The following UGT3A1 variants were observed in gnomAD, a reference collection of about 807,000 sequenced individuals.
UGT3A1 encodes the protein UDP glycosyltransferase family 3 member A1, also known as UDP-glycosyltransferase 3A1.
A neutral mutation model predicts 37.6 loss-of-function variants in UGT3A1; 40 were observed. The ratio of observed to expected loss-of-function variants is 1.06; its 90% CI spans 0.83 to 1.38. The LOEUF (loss-of-function observed/expected upper bound fraction) is 1.38, where lower values mean the gene tolerates loss of function less well. Ranked by LOEUF, UGT3A1 falls within the 40% of genes most tolerant of loss-of-function variation. The pLI is 0.00. For synonymous variants in UGT3A1, 256 were observed against 232.3 expected, an observed-to-expected ratio of 1.10 and a Z score of -0.93; for missense variants, 642 against 634.2, an observed-to-expected ratio of 1.01 and a Z score of -0.13.
intron 3 of UGT3A1, 37 bp downstream of exon 3, chr5:35,967,982 T>C: frequency 6.7e-7 from 1 of 1,498,060 alleles, no homozygotes; most frequent in Non-Finnish European, 9.2e-7. Flanking sequence ...ATCACTAAAA[T>C]AGTGACTCTT....
chr5:35,981,552 G>A (rs1192883964), intron 2 of UGT3A1, among the ~76,000 whole-genome samples: 2 of 152,198 alleles, frequency 1.3e-5, no homozygotes, highest in Non-Finnish European at 2.9e-5. Flanking sequence ...TAGGATATCT[G>A]GCTGAAGAAA....
intron 4 of UGT3A1, among the ~76,000 whole-genome samples, chr5:35,959,328 C>T (rs1473801240): frequency 2.6e-5 from 4 of 152,028 alleles, no homozygotes; most frequent in African/African-American, 7.2e-5. Flanking sequence ...TTTTGAAAAA[C>T]AAAATAAATA....
chr5:35,967,676 A>T (rs771890987), intron 3 of UGT3A1, among the ~76,000 whole-genome samples: 6 of 152,190 alleles, frequency 3.9e-5, no homozygotes, highest in Non-Finnish European at 8.8e-5. Context: ...GCATACAGAG[A>T]TTATAGGTGA....
intron 2 of UGT3A1, among the ~76,000 whole-genome samples, chr5:35,987,842 G>A (rs1050864955): frequency 9.2e-5 from 14 of 152,148 alleles, no homozygotes; most frequent in Non-Finnish European, 7.4e-5. Flanking sequence ...CTGGACCTCC[G>A]TCTCCTTGTC....
At chr5:35,993,340 T>C (rs1373815720), upstream of UGT3A1, among the ~76,000 whole-genome samples, 5 of 151,986 alleles carry the variant, frequency 3.3e-5, no homozygotes, top group South Asian at 4.1e-4. Context: ...AGCACGTGCC[T>C]GTAATCCCAG....
chr5:35,961,931 G>A (rs1478949495), intron 4 of UGT3A1: 4 of 152,172 alleles, frequency 2.6e-5, no homozygotes, highest in Non-Finnish European at 5.9e-5. Flanking sequence ...ATCATAGATA[G>A]CTTGCTATAA....
intron 2 of UGT3A1, among the ~76,000 whole-genome samples, chr5:35,978,389 A>G (rs1740379964): frequency 6.6e-6 from 1 of 152,152 alleles, no homozygotes; most frequent in Non-Finnish European, 1.5e-5. Flanking sequence ...TTGCCAAAAG[A>G]AAAGAAAAAT....
At chr5:35,987,995 C>T (rs1740791159) in intron 2 of UGT3A1, among the ~76,000 whole-genome samples, 1 of 152,110 alleles carries the variant, frequency 6.6e-6, no homozygotes, top group Admixed American at 6.6e-5. Flanking sequence ...ATCATATATT[C>T]TCATCTTAGT....
intron 4 of UGT3A1, among the ~76,000 whole-genome samples, chr5:35,960,283 T>C (rs1288837942): frequency 6.6e-6 from 1 of 152,182 alleles, no homozygotes; most frequent in Non-Finnish European, 1.5e-5. Context: ...TCAAAACATA[T>C]TACAAAGTTA....
At chr5:35,971,463 T>TACACACACACAC (rs76860183) in intron 2 of UGT3A1, among the ~76,000 whole-genome samples, 3 of 147,788 alleles carry the variant, frequency 2.0e-5, no homozygotes, top group Admixed American at 1.3e-4. Context: ...GACACACGCA[T>TACACACACACAC]ACACACACAC....
At chr5:35,991,667 C>T (rs1410873629), upstream of UGT3A1, 1 of 991,926 alleles carries the variant, frequency 1.0e-6, no homozygotes, top group African/African-American at 1.7e-5. Context: ...ACTCTGCTTC[C>T]CTTCCAGCTG....
In UGT3A1 at chr5:35,953,320, A is replaced by G. The variant is rs1739233306; in HGVS notation, c.*882T>C. ...GGCTACCTTCGGGCTTTATCAAGAA[A>G]GATGAAACAAATGAACAAAAACTCT... On this transcript the variant is annotated 3_prime_UTR_variant, in exon 7 of 7. Transcript: ENST00000274278. 6.6e-6 allele frequency: 1 copy of G among 152,390 alleles called. No individual in the cohort carries two copies. Among genetic ancestry groups the G allele is most frequent in the African/African-American group, 2.4e-5 (1 of 41,468 alleles). 9.4% of individuals were successfully genotyped at this position (152,390 alleles called of 1,614,324 possible). A position where few individuals can be genotyped will look rare whatever the true frequency, so the allele number is the denominator to read the frequency against.
intron 4 of UGT3A1, chr5:35,961,171 C>G (rs373216627): frequency 6.6e-6 from 1 of 152,128 alleles, no homozygotes; most frequent in Non-Finnish European, 1.5e-5. Flanking sequence ...GTCTCCTAGC[C>G]GTATCATCTC....
Position 35,953,986 on chromosome 5 carries a change from G to T in UGT3A1, c.*216C>A. 1.9e-6 allele frequency: 1 copy of T among 534,632 alleles called. No homozygotes were observed. The highest frequency in any genetic ancestry group is 3.3e-6 in the Non-Finnish European group (1 of 304,556). 33.1% of individuals were successfully genotyped at this position (534,632 alleles called of 1,614,324 possible). A position where few individuals can be genotyped will look rare whatever the true frequency, so the allele number is the denominator to read the frequency against. On this transcript the variant is annotated 3_prime_UTR_variant, in exon 7 of 7. Transcript: ENST00000274278. ...AGGCAGGGCTGGCAGGTGAAAATTT[G>T]TATCTGAGCTGGGGTTTCAAGTCAC...
At chr5:35,990,155 G>A (rs1740885130) in intron 1 of UGT3A1, among the ~76,000 whole-genome samples, 1 of 151,982 alleles carries the variant, frequency 6.6e-6, no homozygotes, top group African/African-American at 2.4e-5. Context: ...AAGTTGTGGT[G>A]AGCGTGGTCT....
chr5:35,994,917 G>A (rs905098432), upstream of UGT3A1, among the ~76,000 whole-genome samples: 7 of 152,162 alleles, frequency 4.6e-5, no homozygotes, highest in African/African-American at 1.7e-4. Flanking sequence ...TATAACTAAA[G>A]CAGATTCTAA....
At chr5:35,963,499 A>G (rs1056287823) in intron 4 of UGT3A1, among the ~76,000 whole-genome samples, 3 of 152,230 alleles carry the variant, frequency 2.0e-5, no homozygotes, top group Admixed American at 2.0e-4. Flanking sequence ...TATCAGAAGC[A>G]GCGTGCTGGG....
intron 2 of UGT3A1, among the ~76,000 whole-genome samples, chr5:35,976,569 G>A (rs1158105321): frequency 6.6e-6 from 1 of 152,200 alleles, no homozygotes; most frequent in Non-Finnish European, 1.5e-5. Flanking sequence ...GACAGGCATA[G>A]TAGCTCATGT....
intron 4 of UGT3A1, among the ~76,000 whole-genome samples, chr5:35,963,875 G>T (rs1456598874): frequency 6.6e-6 from 1 of 152,218 alleles, no homozygotes; most frequent in Non-Finnish European, 1.5e-5. Flanking sequence ...TCGGAATGGG[G>T]GGTGGGGATG....
Sources: allele counts gnomAD v4.1 joint callset (sites outside exome capture counted in the v4.1 genomes callset), GRCh38; gene constraint gnomAD v4.1.1; transcripts MANE v1.5; gene names NCBI Gene and HGNC (gene_info 2026-07-23, HGNC 2026-07-21).